Variants in FHIT observed in about 807,000 individuals in gnomAD.
FHIT encodes fragile histidine triad diadenosine triphosphatase.
FHIT carries 19 observed loss-of-function variants against 17.9 expected under a neutral mutation model. That is an observed-to-expected ratio of 1.06 (90% CI 0.74 to 1.56). The LOEUF (loss-of-function observed/expected upper bound fraction) is 1.56. Ranked by LOEUF, FHIT falls within the 40% of genes most tolerant of loss-of-function variation. The pLI, the probability that FHIT is intolerant of heterozygous loss-of-function variation, is 0.00. For missense variants in FHIT, 248 were observed against 189.2 expected (o/e 1.31, Z -1.82); for synonymous variants, 81 against 69.7 (o/e 1.16, Z -0.81).
Position 60,788,184 on chromosome 3 carries a change from C to T in FHIT, c.-18+33735G>A, listed in dbSNP as rs138418946. Among the ~76,000 whole-genome samples, 11 of 152,146 alleles carry T rather than the reference C, an allele frequency of 7.2e-5. No homozygotes were observed. The East Asian group carries it at 1.2e-3, about 16-fold the overall frequency. On this transcript the variant is annotated intron_variant, in intron 4 of 9. Transcript: ENST00000492590. ...GCACGTGCCTGTAGTTCTGGTTTCT[C>T]GGGAAGCTAAGGTGGGAGGATTACT...
chr3:61,186,912 G>A (rs117536469), intron 2 of FHIT, among the ~76,000 whole-genome samples: 5 of 152,214 alleles, frequency 3.3e-5, no homozygotes, highest in East Asian at 1.9e-4. Flanking sequence ...AACTCTGACC[G>A]CTCCAAATGA....
intron 5 of FHIT, among the ~76,000 whole-genome samples, chr3:60,292,585 T>C (rs1708036093): frequency 6.6e-6 from 1 of 152,168 alleles, no homozygotes; most frequent in South Asian, 2.1e-4. Context: ...AGAACAAAAC[T>C]GTGTGAAACA....
chr3:60,368,211 AAG>A (rs1247348719), intron 5 of FHIT, among the ~76,000 whole-genome samples: 4 of 150,206 alleles, frequency 2.7e-5, no homozygotes, highest in East Asian at 1.9e-4. Context: ...AAAAAAAAAA[AAG>A]AAACTGAGGA....
At chr3:60,570,188 T>C (rs927707764) in intron 4 of FHIT, among the ~76,000 whole-genome samples, 2 of 152,194 alleles carry the variant, frequency 1.3e-5, no homozygotes, top group Admixed American at 6.5e-5. Flanking sequence ...TGTCAGAGTT[T>C]CAGGGAAAAT....
At chr3:61,239,761 C>CTATATA (rs1491311135) in intron 1 of FHIT, among the ~76,000 whole-genome samples, 63 of 63,164 alleles carry the variant, frequency 1.0e-3, no homozygotes, top group South Asian at 3.4e-3. Context: ...AAACAACTGG[C>CTATATA]CATATATATA....
chr3:60,470,964 A>G (rs945101222), intron 5 of FHIT, among the ~76,000 whole-genome samples: 27 of 152,118 alleles, frequency 1.8e-4, no homozygotes, highest in Non-Finnish European at 3.1e-4. Flanking sequence ...CCCTTCATTC[A>G]AGGCAGCAGG....
intron 2 of FHIT, among the ~76,000 whole-genome samples, chr3:61,164,672 G>T (rs1002761929): frequency 1.2e-4 from 19 of 152,058 alleles, no homozygotes; most frequent in Non-Finnish European, 2.2e-4. Flanking sequence ...GATTCAGGGG[G>T]TATATAGGCA....
intron 4 of FHIT, among the ~76,000 whole-genome samples, chr3:60,654,078 C>G (rs534196255): frequency 1.4e-5 from 2 of 147,944 alleles, no homozygotes; most frequent in African/African-American, 5.1e-5. Flanking sequence ...CCCACTCTCT[C>G]TCCCTCTTGC....
chr3:60,446,652 G>C (rs1350277493), intron 5 of FHIT, among the ~76,000 whole-genome samples: 2 of 151,932 alleles, frequency 1.3e-5, no homozygotes, highest in African/African-American at 4.8e-5. Flanking sequence ...AGGAGTTCAA[G>C]ACCAGTCTGG....
At chr3:60,416,226 G>A (rs554852695) in intron 5 of FHIT, among the ~76,000 whole-genome samples, 19 of 152,112 alleles carry the variant, frequency 1.2e-4, no homozygotes, top group South Asian at 1.2e-3. Context: ...AATATTCATA[G>A]GATAAAAATA....
intron 4 of FHIT, among the ~76,000 whole-genome samples, chr3:60,790,607 T>G (rs1189543328): frequency 6.6e-6 from 1 of 152,004 alleles, no homozygotes; most frequent in African/African-American, 2.4e-5. Flanking sequence ...CAAACCACAT[T>G]CCATTACCAC....
Position 59,904,655 on chromosome 3 carries a change from G to A in FHIT, c.348+17691C>T, listed in dbSNP as rs191399454. 9.6e-3 allele frequency among the ~76,000 whole-genome samples: 1,457 copies of A among 152,272 alleles called. 18 individuals are homozygous for A. The highest frequency in any genetic ancestry group is 0.019 in the Admixed American group (287 of 15,302). ...TTATAGCTTGTACCCGTGTTTGGTGGTTCCCTGAGCTCTTGTACCATGCCC... is the reference window on the plus strand; with the variant it reads ...TTATAGCTTGTACCCGTGTTTGGTGATTCCCTGAGCTCTTGTACCATGCCC... On this transcript the variant is annotated intron_variant, in intron 8 of 9. Transcript: ENST00000492590.
intron 5 of FHIT, among the ~76,000 whole-genome samples, chr3:60,351,056 A>G (rs149256986): frequency 1.6e-3 from 242 of 151,928 alleles, no homozygotes; most frequent in African/African-American, 5.5e-3. Flanking sequence ...GCCAAAAGCT[A>G]TATTGCAGCC....
chr3:60,114,087 C>A (rs2107191516), intron 5 of FHIT, among the ~76,000 whole-genome samples: 2 of 101,862 alleles, frequency 2.0e-5, no homozygotes, highest in East Asian at 3.0e-4. Flanking sequence ...TTATATGTAT[C>A]TTACCACAAT....
At chr3:60,754,041 A>T (rs2042522245) in intron 4 of FHIT, among the ~76,000 whole-genome samples, 1 of 152,138 alleles carries the variant, frequency 6.6e-6, no homozygotes, top group Admixed American at 6.5e-5. Flanking sequence ...TTGGGAGGAG[A>T]TCTGTTTTCA....
chr3:60,398,450 A>C (rs1249412293), intron 5 of FHIT, among the ~76,000 whole-genome samples: 1 of 151,848 alleles, frequency 6.6e-6, no homozygotes, highest in Non-Finnish European at 1.5e-5. Flanking sequence ...TGTGTAACCC[A>C]AAAAGGGCAA....
At chr3:60,454,578 G>A (rs1484311807) in intron 5 of FHIT, among the ~76,000 whole-genome samples, 2 of 151,868 alleles carry the variant, frequency 1.3e-5, no homozygotes, top group African/African-American at 4.8e-5. Context: ...TAGAGATGGG[G>A]TTTCACCGTG....
chr3:60,861,773 A>G (rs1218642618), intron 3 of FHIT, among the ~76,000 whole-genome samples: 1 of 152,082 alleles, frequency 6.6e-6, no homozygotes, highest in Non-Finnish European at 1.5e-5. Context: ...GGAGACCAAA[A>G]AACAAAGTAA....
Position 61,077,281 on chromosome 3 carries a change from AAG to A in FHIT, c.-163-35184_-163-35183del, listed in dbSNP as rs1171188623. Among the ~76,000 whole-genome samples, 6 of 152,264 alleles carry A rather than the reference AAG, an allele frequency of 3.9e-5. No individual in the cohort carries two copies. In the South Asian group the frequency reaches 1.2e-3, roughly 32 times the overall value. On this transcript the variant is annotated intron_variant, in intron 2 of 9. Coordinates refer to ENST00000492590, the MANE Select transcript of FHIT (RefSeq NM_002012.4). Reference sequence around the variant, plus strand: ...ATGAAGTATATACTAGTGAGAAATGAAGTGACAGGAGCTATGGCTCAGGGTAA... The same window carrying A: ...ATGAAGTATATACTAGTGAGAAATGATGACAGGAGCTATGGCTCAGGGTAA...
Sources: gnomAD v4.1 joint callset for allele counts (sites outside exome capture counted in the v4.1 genomes callset) on GRCh38, gnomAD v4.1.1 for gene constraint, MANE v1.5 for transcripts, NCBI Gene and HGNC (gene_info 2026-07-23, HGNC 2026-07-21) for gene names.